The following STX5 variants were observed in gnomAD, a reference collection of about 807,000 sequenced individuals.
The protein encoded by STX5 is syntaxin 5, also known as syntaxin-5.
Under a neutral mutation model 42.9 loss-of-function variants are expected in STX5, and 15 were observed. The observed-to-expected ratio is 0.35, with a 90% CI of 0.23 to 0.54. The LOEUF (loss-of-function observed/expected upper bound fraction) is 0.54. STX5 is among the 20% of genes least tolerant of loss of function. The pLI, the probability that STX5 is intolerant of heterozygous loss-of-function variation, is 0.91. For missense variants in STX5, 430 were observed against 455.0 expected (o/e 0.95, Z 0.50); for synonymous variants, 184 against 173.2 (o/e 1.06, Z -0.49).
chr11:62,817,718 G>C (rs1231265523), intron 10 of STX5, among the ~76,000 whole-genome samples: 1 of 152,090 alleles, frequency 6.6e-6, no homozygotes, highest in Non-Finnish European at 1.5e-5. Flanking sequence ...GTAAATCACA[G>C]CAGAGAAACA....
Position 62,832,024 on chromosome 11 carries a change from T to C in STX5, c.-90A>G, listed in dbSNP as rs1452177528. ...CCGTCACTGCCTCCTCCCCGAGCAC[T>C]GAAGCCGCCGAAACCCGACCAAAGA... On this transcript the variant is annotated 5_prime_UTR_variant, in exon 1 of 11. Coordinates refer to ENST00000294179, the MANE Select transcript of STX5 (RefSeq NM_003164.5). 4 of 477,884 alleles carry C rather than the reference T, an allele frequency of 8.4e-6. No individual in the cohort carries two copies. Among genetic ancestry groups the C allele is most frequent in the Non-Finnish European group, 1.7e-5 (4 of 241,974 alleles). The allele number at this position is 477,884 out of a possible 1,614,324, so 29.6% of individuals were successfully genotyped here. A position where few individuals can be genotyped will look rare whatever the true frequency, so the allele number is the denominator to read the frequency against.
intron 10 of STX5, among the ~76,000 whole-genome samples, chr11:62,817,039 A>T (rs1259002046): frequency 1.3e-5 from 2 of 151,580 alleles, no homozygotes; most frequent in Admixed American, 1.3e-4. Context: ...ATCTCGGCTC[A>T]CTGCAACCTC....
chr11:62,827,681 T>A (rs772282916), intron 2 of STX5, 50 bp from the exon 3 acceptor site: 2 of 1,601,550 alleles, frequency 1.2e-6, no homozygotes, highest in African/African-American at 1.3e-5. Flanking sequence ...CTTCCCCAGT[T>A]CCAGCTTTCA....
intron 10 of STX5, among the ~76,000 whole-genome samples, chr11:62,809,359 C>T (rs1206298458): frequency 2.0e-5 from 3 of 147,358 alleles, no homozygotes; most frequent in Non-Finnish European, 3.0e-5. Context: ...TGTTGGAGAA[C>T]TGTTAATTTT....
intron 2 of STX5, chr11:62,830,362 G>C: frequency 2.9e-6 from 1 of 344,764 alleles, no homozygotes; most frequent in South Asian, 2.2e-5. Flanking sequence ...ACCAACCTGG[G>C]CAACATAGTG....
At chr11:62,812,292 G>A (rs1326377989) in intron 10 of STX5, among the ~76,000 whole-genome samples, 1 of 151,768 alleles carries the variant, frequency 6.6e-6, no homozygotes, top group Non-Finnish European at 1.5e-5. Flanking sequence ...GGTCAGGCTG[G>A]TTTCAAACTC....
At chr11:62,827,438 A>ACG in intron 3 of STX5, 40 bp from the exon 4 acceptor site, 1 of 1,613,330 alleles carries the variant, frequency 6.2e-7, no homozygotes, top group South Asian at 1.1e-5. Flanking sequence ...AAAGGGCAGG[A>ACG]CGCCTTTTCC....
Position 62,830,737 on chromosome 11 carries a change from T to C in STX5, c.225+282A>G, listed in dbSNP as rs146304166. Among the ~76,000 whole-genome samples, 444 of 152,324 alleles carry C rather than the reference T, an allele frequency of 2.9e-3. 1 individual carries two copies. Among genetic ancestry groups the C allele is most frequent in the African/African-American group, 0.01 (425 of 41,574 alleles). On this transcript the variant is annotated intron_variant, in intron 2 of 10. Coordinates refer to ENST00000294179, the MANE Select transcript of STX5 (RefSeq NM_003164.5). ...GCTCTTCCTAGAACTTGTTCCTTATTCACACCAATTATATTGCAGCCAAGT... is the reference window on the plus strand; with the variant it reads ...GCTCTTCCTAGAACTTGTTCCTTATCCACACCAATTATATTGCAGCCAAGT...
In STX5 at chr11:62,831,400, G is replaced by C. The variant is rs1451503206; in HGVS notation, c.-19-138C>G. On this transcript the variant is annotated intron_variant, in intron 1 of 10. Transcript: ENST00000294179. ...CGCCCAGGACGCTCGCAAATCCTGG[G>C]GCGGACCAGCAGCGGAAAGGGCCCC... The C allele has an allele frequency of 7.0e-6, 5 of 716,676 alleles. No individual in the cohort carries two copies. In the African/African-American group the frequency reaches 8.7e-5, roughly 12 times the overall value. 44.4% of individuals were successfully genotyped at this position (716,676 alleles called of 1,614,324 possible).
At chr11:62,813,425 A>T (rs1295381014) in intron 10 of STX5, among the ~76,000 whole-genome samples, 1 of 152,212 alleles carries the variant, frequency 6.6e-6, no homozygotes, top group Non-Finnish European at 1.5e-5. Context: ...CTGGATGCTC[A>T]TCAGAACCCC....
intron 4 of STX5, 30 bp from the exon 5 acceptor site, chr11:62,827,255 G>GT: frequency 6.2e-7 from 1 of 1,613,954 alleles, no homozygotes; most frequent in Non-Finnish European, 8.5e-7. Context: ...GCCACAATGG[G>GT]TGAGGTCAAG....
At chr11:62,816,546 A>G (rs954055338) in intron 10 of STX5, among the ~76,000 whole-genome samples, 39 of 152,168 alleles carry the variant, frequency 2.6e-4, no homozygotes, top group African/African-American at 9.4e-4. Flanking sequence ...CTCCCAGAGC[A>G]CTAGGATTAA....
At chr11:62,812,758 G>C (rs147911469) in intron 10 of STX5, among the ~76,000 whole-genome samples, 100 of 151,994 alleles carry the variant, frequency 6.6e-4, no homozygotes, top group African/African-American at 2.2e-3. Context: ...ATAGCTCAGG[G>C]AGCTATGGTG....
chr11:62,807,891 A>C, intron 10 of STX5: 1 of 500,936 alleles, frequency 2.0e-6, no homozygotes, highest in East Asian at 3.6e-5. Flanking sequence ...GGATAACCCA[A>C]ACCCTACCTT....
intron 10 of STX5, among the ~76,000 whole-genome samples, chr11:62,821,464 T>C (rs2084739628): frequency 6.6e-6 from 1 of 151,954 alleles, no homozygotes; most frequent in South Asian, 2.1e-4. Context: ...GTGGCTCACA[T>C]CTGTAATCCC....
chr11:62,824,097 G>C, intron 10 of STX5, 69 bp downstream of exon 10: 1 of 1,610,032 alleles, frequency 6.2e-7, no homozygotes. Context: ...GCAGTCCCTG[G>C]GGACTTTAAG....
At chr11:62,811,949 G>A (rs1443461509) in intron 10 of STX5, among the ~76,000 whole-genome samples, 1 of 151,854 alleles carries the variant, frequency 6.6e-6, no homozygotes, top group African/African-American at 2.4e-5. Flanking sequence ...AAACCAATGA[G>A]CAAACACATG....
At chr11:62,825,210 C>T (rs1368735200) in intron 7 of STX5, 73 bp downstream of exon 7, 25 of 1,610,662 alleles carry the variant, frequency 1.6e-5, no homozygotes, top group Non-Finnish European at 2.0e-5. Context: ...CCCTGTAGAA[C>T]TTGTCCCTTC....
In STX5 at chr11:62,817,685, T is replaced by G. The variant is rs555304359; in HGVS notation, c.908+6481A>C. Among the ~76,000 whole-genome samples, 38 of 152,278 alleles carry G rather than the reference T, an allele frequency of 2.5e-4. No individual in the cohort carries two copies. In the South Asian group the frequency reaches 7.9e-3, roughly 32 times the overall value. ...CAGCTATTATAACTGAGGGAAAATATGCTTGTACTCACTAAGAAGGTAGTA... is the reference window on the plus strand; with the variant it reads ...CAGCTATTATAACTGAGGGAAAATAGGCTTGTACTCACTAAGAAGGTAGTA... On this transcript the variant is annotated intron_variant, in intron 10 of 10. Coordinates refer to ENST00000294179, the MANE Select transcript of STX5 (RefSeq NM_003164.5).
Sources: allele counts gnomAD v4.1 joint callset (sites outside exome capture counted in the v4.1 genomes callset), GRCh38; gene constraint gnomAD v4.1.1; transcripts MANE v1.5; gene names NCBI Gene and HGNC (gene_info 2026-07-23, HGNC 2026-07-21).